The following CNGB3 variants were observed in gnomAD, a reference collection of about 807,000 sequenced individuals.
CNGB3 encodes the protein cyclic nucleotide gated channel subunit beta 3.
Under a neutral mutation model 92.8 loss-of-function variants are expected in CNGB3, and 86 were observed. The observed-to-expected ratio is 0.93, with a 90% confidence interval of 0.78 to 1.11. The LOEUF is 1.11. CNGB3 is among the 50% of genes least tolerant of loss of function. CNGB3 has a pLI of 0.00. For missense variants in CNGB3, 1,026 were observed against 956.8 expected (o/e 1.07, Z -0.95); for synonymous variants, 333 against 332.7 (o/e 1.00, Z -0.01).
At chr8:86,615,208 A>AT (rs1482569488) in intron 13 of CNGB3, among the ~76,000 whole-genome samples, 1 of 152,118 alleles carries the variant, frequency 6.6e-6, no homozygotes. Context: ...GGTAGACTAT[A>AT]TTTTTTTCAA....
chr8:86,683,395 T>C (rs1247948449), intron 3 of CNGB3, among the ~76,000 whole-genome samples: 2 of 152,072 alleles, frequency 1.3e-5, no homozygotes, highest in East Asian at 3.9e-4. Context: ...TTTTTGACCT[T>C]CAAACCACTA....
chr8:86,626,077 T>G lies in CNGB3; in HGVS notation c.1484A>C (p.Glu495Ala), dbSNP rs142387860. 83 of 1,609,830 alleles carry G rather than the reference T, an allele frequency of 5.2e-5. No individual in the cohort carries two copies. The highest frequency in any genetic ancestry group is 6.9e-5 in the Non-Finnish European group (81 of 1,176,502). The change falls in exon 13 of 18, where the codon GAG (glutamate) becomes GCG (alanine). Residue 495 changes from glutamate (E) to alanine (A), a missense_variant. Transcript: ENST00000320005. ...YTWDSQRMLD[E>A]SDLLKTLPTT... ...TGGTAGGGTCTTAAGCAAATCAGACTCATCTTTATAAAGATAAACACATCA... is the reference window on the plus strand; with the variant it reads ...TGGTAGGGTCTTAAGCAAATCAGACGCATCTTTATAAAGATAAACACATCA...
chr8:86,672,582 C>T (rs1309559646), intron 3 of CNGB3, among the ~76,000 whole-genome samples: 2 of 152,150 alleles, frequency 1.3e-5, no homozygotes, highest in Non-Finnish European at 2.9e-5. Context: ...CCATACTCTT[C>T]TCATATCTGC....
chr8:86,713,779 TAATC>T (rs1370501900), intron 3 of CNGB3, among the ~76,000 whole-genome samples: 6 of 152,204 alleles, frequency 3.9e-5, no homozygotes, highest in Non-Finnish European at 5.9e-5. Flanking sequence ...ATTCTAAAAT[TAATC>T]AAACTAAATT....
intron 3 of CNGB3, among the ~76,000 whole-genome samples, chr8:86,681,642 A>G (rs1172946298): frequency 3.9e-5 from 6 of 152,200 alleles, no homozygotes; most frequent in Admixed American, 3.9e-4. Flanking sequence ...AATGAATAAG[A>G]GAAAACTCAA....
chr8:86,581,909 G>A (rs982071840), intron 15 of CNGB3, among the ~76,000 whole-genome samples: 4 of 152,006 alleles, frequency 2.6e-5, no homozygotes, highest in Non-Finnish European at 5.9e-5. Context: ...GTTAAACACA[G>A]CCCGAGTCCT....
At chr8:86,716,220 G>C (rs564547517) in intron 3 of CNGB3, among the ~76,000 whole-genome samples, 6 of 152,108 alleles carry the variant, frequency 3.9e-5, no homozygotes, top group Non-Finnish European at 7.4e-5. Flanking sequence ...AGAAGTCTGA[G>C]ACTATGTTAA....
At chr8:86,697,373 A>G (rs1328748070) in intron 3 of CNGB3, among the ~76,000 whole-genome samples, 4 of 152,234 alleles carry the variant, frequency 2.6e-5, no homozygotes, top group Non-Finnish European at 4.4e-5. Context: ...TCTTCACAAT[A>G]CAAAATATAG....
At chr8:86,581,162 CT>C (rs775561536) in intron 15 of CNGB3, among the ~76,000 whole-genome samples, 20 of 152,166 alleles carry the variant, frequency 1.3e-4, no homozygotes, top group African/African-American at 2.4e-5. Flanking sequence ...TTCTTAGATC[CT>C]TCAGAGAACT....
intron 2 of CNGB3, among the ~76,000 whole-genome samples, chr8:86,738,485 G>A (rs1026664261): frequency 6.6e-6 from 1 of 152,182 alleles, no homozygotes; most frequent in East Asian, 1.9e-4. Context: ...TGGCCTGGGG[G>A]TAGTGCAGAC....
chr8:86,656,402 C>T (rs1823506203), intron 6 of CNGB3, among the ~76,000 whole-genome samples: 1 of 152,154 alleles, frequency 6.6e-6, no homozygotes, highest in African/African-American at 2.4e-5. Flanking sequence ...CTAAAACTTG[C>T]TAGATTAAAT....
intron 2 of CNGB3, 35 bp downstream of exon 2, chr8:86,739,620 G>GTTTTTTTTTTTTTTTTTTTTAT: frequency 6.7e-7 from 1 of 1,488,504 alleles, no homozygotes; most frequent in East Asian, 2.4e-5. Flanking sequence ...TCACTTTTTA[G>GTTTTTTTTTTTTTTTTTTTTAT]TTTTTTTTTT....
chr8:86,650,484 C>T (rs892114200), intron 7 of CNGB3, among the ~76,000 whole-genome samples: 1 of 149,908 alleles, frequency 6.7e-6, no homozygotes, highest in Non-Finnish European at 1.5e-5. Flanking sequence ...TGGAACCAAC[C>T]GATCTTTGTA....
rs138797360 is a variant in CNGB3, at chr8:86,678,124, C to T, written c.339-7026G>A. 4.0e-4 allele frequency among the ~76,000 whole-genome samples: 61 copies of T among 152,142 alleles called. No individual in the cohort carries two copies. In the East Asian group the frequency reaches 7.3e-3, roughly 18 times the overall value. On this transcript the variant is annotated intron_variant, in intron 3 of 17. Coordinates refer to ENST00000320005, the MANE Select transcript of CNGB3 (RefSeq NM_019098.5). The stretch of plus-strand genomic sequence containing the variant: ...GAAGTTTTTAGGGGAGAAAGGAGCA[C>T]GTCCTTTTTCTTTTGCCATGTTTAG...
chr8:86,661,282 T>G (rs895544624), intron 6 of CNGB3: 5 of 343,860 alleles, frequency 1.5e-5, no homozygotes, highest in African/African-American at 6.6e-5. Flanking sequence ...TTCTGCAGTT[T>G]AACATGCCAG....
At chr8:86,644,593 T>C in intron 9 of CNGB3, 29 bp downstream of exon 9, 1 of 1,597,502 alleles carries the variant, frequency 6.3e-7, no homozygotes, top group South Asian at 1.1e-5. Flanking sequence ...TTTTTCCCCT[T>C]CCCCCAAGTA....
chr8:86,696,325 G>A (rs1167655610), intron 3 of CNGB3, among the ~76,000 whole-genome samples: 1 of 152,180 alleles, frequency 6.6e-6, no homozygotes, highest in Non-Finnish European at 1.5e-5. Flanking sequence ...AGTAGTAGAA[G>A]GGGGATATAA....
intron 6 of CNGB3, chr8:86,657,601 T>A (rs1366128486): frequency 2.4e-6 from 1 of 411,734 alleles, no homozygotes; most frequent in Admixed American, 3.2e-5. Context: ...GATCACCCTG[T>A]TTGTTGGCAG....
chr8:86,735,058 T>TTTG (rs1563770291), intron 2 of CNGB3, among the ~76,000 whole-genome samples: 1 of 146,108 alleles, frequency 6.8e-6, no homozygotes, highest in Non-Finnish European at 1.5e-5. Context: ...TTTTTTTTTT[T>TTTG]TTTTTTTTTT....
Sources: allele counts gnomAD v4.1 joint callset (sites outside exome capture counted in the v4.1 genomes callset), GRCh38; gene constraint gnomAD v4.1.1; transcripts MANE v1.5; gene names NCBI Gene and HGNC (gene_info 2026-07-23, HGNC 2026-07-21).